The following MAPKAP1 variants were observed in gnomAD, a reference collection of about 807,000 sequenced individuals.
MAPKAP1 encodes MAPK associated protein 1.
A neutral mutation model predicts 65.7 loss-of-function variants in MAPKAP1; 20 were observed. The observed-to-expected ratio is 0.30, with a 90% CI of 0.21 to 0.44. The LOEUF is 0.44. Ranked by LOEUF, MAPKAP1 falls within the 20% of genes least tolerant of loss-of-function variation. The pLI is 1.00. For missense variants in MAPKAP1, 423 were observed against 648.0 expected (o/e 0.65, Z 3.77); for synonymous variants, 222 against 244.3 (o/e 0.91, Z 0.85).
chr9:125,614,946 A>C lies in MAPKAP1; in HGVS notation c.499-29219T>G, dbSNP rs556162783. Among the ~76,000 whole-genome samples the C allele has an allele frequency of 1.8e-4, 28 of 152,314 alleles. No homozygotes were observed. The East Asian group carries it at 4.2e-3, about 23-fold the overall frequency. ...TTTTCAGCTCTGTAAAGCAAGAAAA[A>C]TAAAGTATAAGGATTAGAAATAAAA... On this transcript the variant is annotated intron_variant, in intron 4 of 11. Transcript: ENST00000265960.
chr9:125,495,540 T>C (rs906438264), intron 8 of MAPKAP1, among the ~76,000 whole-genome samples: 13 of 152,198 alleles, frequency 8.5e-5, no homozygotes, highest in East Asian at 3.8e-4. Context: ...CAATAAGACA[T>C]TGGCTGTGGT....
intron 8 of MAPKAP1, among the ~76,000 whole-genome samples, chr9:125,504,558 T>C (rs2133079962): frequency 6.6e-6 from 1 of 152,026 alleles, no homozygotes; most frequent in African/African-American, 2.4e-5. Flanking sequence ...GATGGATCAC[T>C]TGAGGCCAGG....
chr9:125,610,132 T>G (rs1418495057), intron 4 of MAPKAP1, among the ~76,000 whole-genome samples: 1 of 152,244 alleles, frequency 6.6e-6, no homozygotes, highest in African/African-American at 2.4e-5. Context: ...TTCTTACATT[T>G]TGAATCAACA....
At chr9:125,635,109 G>A (rs1047364087) in intron 4 of MAPKAP1, among the ~76,000 whole-genome samples, 6 of 152,118 alleles carry the variant, frequency 3.9e-5, no homozygotes, top group African/African-American at 9.7e-5. Flanking sequence ...TCGATGGCAC[G>A]CTATTCTCCA....
intron 7 of MAPKAP1, among the ~76,000 whole-genome samples, chr9:125,533,732 A>T (rs1479785653): frequency 2.0e-5 from 3 of 152,224 alleles, no homozygotes; most frequent in Non-Finnish European, 4.4e-5. Flanking sequence ...TACAGGTGTG[A>T]GCCACTACGC....
chr9:125,502,541 C>A (rs773944769), intron 8 of MAPKAP1, among the ~76,000 whole-genome samples: 1 of 152,084 alleles, frequency 6.6e-6, no homozygotes, highest in Non-Finnish European at 1.5e-5. Context: ...ATTATTATTT[C>A]TTTATTAAAC....
intron 4 of MAPKAP1, among the ~76,000 whole-genome samples, chr9:125,641,241 C>T (rs1564597307): frequency 6.6e-6 from 1 of 152,174 alleles, no homozygotes; most frequent in African/African-American, 2.4e-5. Context: ...ATACTCTACA[C>T]ATAATAGCCA....
intron 6 of MAPKAP1, among the ~76,000 whole-genome samples, chr9:125,549,334 G>A (rs995932290): frequency 2.6e-5 from 4 of 152,194 alleles, no homozygotes; most frequent in Admixed American, 1.3e-4. Flanking sequence ...ACCTGCTCTG[G>A]TCCAATTCCA....
chr9:125,531,055 A>G (rs1829919526), intron 7 of MAPKAP1, among the ~76,000 whole-genome samples: 1 of 152,254 alleles, frequency 6.6e-6, no homozygotes, highest in South Asian at 2.1e-4. Context: ...CACAGCTTGT[A>G]AAAGGGACAG....
At chr9:125,521,975 C>G (rs1387606040) in intron 7 of MAPKAP1, among the ~76,000 whole-genome samples, 4 of 152,216 alleles carry the variant, frequency 2.6e-5, no homozygotes, top group Non-Finnish European at 5.9e-5. Flanking sequence ...AAACCACTTC[C>G]TCTCTGAACT....
At chr9:125,665,454 C>T (rs1408385217) in intron 3 of MAPKAP1, among the ~76,000 whole-genome samples, 2 of 151,362 alleles carry the variant, frequency 1.3e-5, no homozygotes, top group Non-Finnish European at 3.0e-5. Context: ...ATTCTCCCCA[C>T]CCTTGAGAAT....
chr9:125,586,305 T>G (rs1831783018), intron 4 of MAPKAP1, among the ~76,000 whole-genome samples: 1 of 152,070 alleles, frequency 6.6e-6, no homozygotes, highest in South Asian at 2.1e-4. Flanking sequence ...GCTGGATATA[T>G]TCCCACTCCC....
chr9:125,561,777 A>G (rs886388681), intron 5 of MAPKAP1, among the ~76,000 whole-genome samples: 1 of 152,228 alleles, frequency 6.6e-6, no homozygotes, highest in Non-Finnish European at 1.5e-5. Flanking sequence ...ATCAGATAAT[A>G]TATGTAGTGT....
intron 8 of MAPKAP1, among the ~76,000 whole-genome samples, chr9:125,500,567 C>T (rs1461010370): frequency 1.3e-5 from 2 of 152,114 alleles, no homozygotes; most frequent in Admixed American, 1.3e-4. Flanking sequence ...TGTACACACA[C>T]CTATGATACA....
At chr9:125,490,147 A>G (rs1323306431) in intron 8 of MAPKAP1, among the ~76,000 whole-genome samples, 2 of 152,196 alleles carry the variant, frequency 1.3e-5, no homozygotes, top group African/African-American at 4.8e-5. Context: ...GGGAATTCCC[A>G]AGTCCCCTTC....
chr9:125,652,889 T>TAAGAAGAA (rs1450045540), intron 4 of MAPKAP1, among the ~76,000 whole-genome samples: 1 of 152,194 alleles, frequency 6.6e-6, no homozygotes, highest in Non-Finnish European at 1.5e-5. Context: ...CTGTACTTCT[T>TAAGAAGAA]CTTTACGACA....
At chr9:125,690,709 A>C (rs998548097) in intron 1 of MAPKAP1, among the ~76,000 whole-genome samples, 1 of 152,210 alleles carries the variant, frequency 6.6e-6, no homozygotes, top group Non-Finnish European at 1.5e-5. Context: ...GAAGGTTCAA[A>C]GAGGGGGTAA....
In MAPKAP1 at chr9:125,665,968, T is replaced by C. The variant is rs141011444; in HGVS notation, c.349+3850A>G. Among the ~76,000 whole-genome samples, 339 of 152,342 alleles carry C rather than the reference T, an allele frequency of 2.2e-3. 1 individual carries two copies. The highest frequency in any genetic ancestry group is 7.7e-3 in the African/African-American group (322 of 41,582). ...GAGGAGAGGATTCATGTAGTCCTCC[T>C]AGAGCTCAGCACAGAATTATTAGGC... On this transcript the variant is annotated intron_variant, in intron 3 of 11. Coordinates refer to ENST00000265960, the MANE Select transcript of MAPKAP1 (RefSeq NM_001006617.3).
At chr9:125,567,816 A>G (rs994319098) in intron 5 of MAPKAP1, 1 of 152,224 alleles carries the variant, frequency 6.6e-6, no homozygotes, top group African/African-American at 2.4e-5. Flanking sequence ...GTCCTGTAAC[A>G]TCTTTCTGGC....
Sources: gnomAD v4.1 joint callset for allele counts (sites outside exome capture counted in the v4.1 genomes callset) on GRCh38, gnomAD v4.1.1 for gene constraint, MANE v1.5 for transcripts, NCBI Gene and HGNC (gene_info 2026-07-23, HGNC 2026-07-21) for gene names.